SYNE2: variants seen among roughly 807,000 people sequenced by gnomAD.
SYNE2 encodes the protein spectrin repeat containing nuclear envelope protein 2, also known as nesprin-2.
In SYNE2, 431 loss-of-function variants were observed where a neutral mutation model predicts 856.3. The ratio of observed to expected loss-of-function variants is 0.50; its 90% CI spans 0.47 to 0.55. The LOEUF (loss-of-function observed/expected upper bound fraction) is 0.55. SYNE2 is among the 20% of genes least tolerant of loss of function. The pLI is 0.00. For missense variants in SYNE2, 8,129 were observed against 8,023.2 expected (o/e 1.01, Z -0.50); for synonymous variants, 2,923 against 2,872.3 (o/e 1.02, Z -0.56).
At chr14:63,920,350 G>A (rs1453826828) in intron 2 of SYNE2, among the ~76,000 whole-genome samples, 1 of 151,812 alleles carries the variant, frequency 6.6e-6, no homozygotes, top group Non-Finnish European at 1.5e-5. Context: ...AAAGATGGTA[G>A]CACATGAGCA....
At chr14:64,162,387 C>A in intron 88 of SYNE2, 111 bp downstream of exon 88, 1 of 1,174,340 alleles carries the variant, frequency 8.5e-7, no homozygotes, top group Non-Finnish European at 1.2e-6. Context: ...GTAGTCAGGA[C>A]AGGTGCTGTG....
At chr14:63,799,268 G>A (rs1356854251) in intron 1 of SYNE2, among the ~76,000 whole-genome samples, 5 of 152,046 alleles carry the variant, frequency 3.3e-5, no homozygotes, top group African/African-American at 9.7e-5. Context: ...TAGTAGAGAC[G>A]GGGTTTTGCC....
chr14:64,128,609 T>C, intron 74 of SYNE2, 56 bp downstream of exon 74: 1 of 1,071,818 alleles, frequency 9.3e-7, no homozygotes, highest in Non-Finnish European at 1.5e-6. Flanking sequence ...GAGCTTTGCA[T>C]ATAAGCCGTG....
intron 27 of SYNE2, 147 bp downstream of exon 27, chr14:63,999,187 A>G (rs1594768805): frequency 2.4e-6 from 2 of 826,368 alleles, no homozygotes; most frequent in African/African-American, 3.4e-5. Context: ...TTCTAGTGTC[A>G]CCCTAGTCCA....
chr14:64,169,859 C>T (rs1317489542), intron 93 of SYNE2, among the ~76,000 whole-genome samples: 1 of 152,210 alleles, frequency 6.6e-6, no homozygotes, highest in East Asian at 1.9e-4. Flanking sequence ...AAAGTACACT[C>T]AAGTAATCCA....
intron 45 of SYNE2, 108 bp from the exon 46 acceptor site, chr14:64,047,892 C>G: frequency 8.1e-7 from 1 of 1,231,464 alleles, no homozygotes. Context: ...CTTTTTAAGT[C>G]TATAATCCAA....
chr14:64,142,198 A>C, intron 82 of SYNE2, 110 bp downstream of exon 82: 2 of 1,301,278 alleles, frequency 1.5e-6, no homozygotes, highest in Non-Finnish European at 2.2e-6. Flanking sequence ...AACTAATTCT[A>C]GGGGTAGGAA....
chr14:64,069,248 C>A (rs2097383324), intron 51 of SYNE2, among the ~76,000 whole-genome samples: 1 of 151,778 alleles, frequency 6.6e-6, no homozygotes, highest in Non-Finnish European at 1.5e-5. Flanking sequence ...GTAACAATTT[C>A]TTTATTTGCA....
chr14:64,019,919 A>G (rs1412385783), intron 34 of SYNE2, 73 bp from the exon 35 acceptor site: 2 of 971,936 alleles, frequency 2.1e-6, no homozygotes, highest in Non-Finnish European at 1.7e-6. Flanking sequence ...ATATATAAAC[A>G]GTAGTAATTA....
intron 19 of SYNE2, among the ~76,000 whole-genome samples, chr14:63,989,503 A>T (rs1477460843): frequency 1.3e-5 from 2 of 151,966 alleles, no homozygotes; most frequent in African/African-American, 4.8e-5. Flanking sequence ...ACACCTGGCT[A>T]ATTTTTGTAT....
At chr14:63,906,454 G>T (rs1325580089) in intron 1 of SYNE2, among the ~76,000 whole-genome samples, 1 of 151,762 alleles carries the variant, frequency 6.6e-6, no homozygotes, top group African/African-American at 2.4e-5. Context: ...TTGGTTGGTA[G>T]GTTTTAAAAA....
intron 65 of SYNE2, among the ~76,000 whole-genome samples, chr14:64,107,835 A>G (rs1368542636): frequency 6.6e-6 from 1 of 152,228 alleles, no homozygotes; most frequent in East Asian, 1.9e-4. Flanking sequence ...TCACTCATTT[A>G]CCATTTGTCA....
At position 64,224,181 on chromosome 14, in the gene SYNE2, C is replaced by CAAAA. The variant is rs35804232; in HGVS notation, c.20383-262_20383-259dup. Among the ~76,000 whole-genome samples the CAAAA allele has an allele frequency of 1.2e-3, 93 of 74,738 alleles. 4 individuals carry two copies. Among genetic ancestry groups the CAAAA allele is most frequent in the African/African-American group, 4.8e-3 (87 of 18,196 alleles). The allele number at this position is 74,738 out of a possible 152,430, so 49.0% of individuals were successfully genotyped here. A position where few individuals can be genotyped will look rare whatever the true frequency, so the allele number is the denominator to read the frequency against. On this transcript the variant is annotated intron_variant, in intron 113 of 115. Coordinates refer to ENST00000555002, the MANE Select transcript of SYNE2 (RefSeq NM_182914.3). ...GCAACATGGTGAAATCCCGTCTCTG[C>CAAAA]AAAAAAAAAAAAAAAAAAAAATACA...
At chr14:64,161,390 T>C (rs2098328579) in intron 87 of SYNE2, among the ~76,000 whole-genome samples, 1 of 152,048 alleles carries the variant, frequency 6.6e-6, no homozygotes, top group Non-Finnish European at 1.5e-5. Context: ...CTAGAGTCTG[T>C]ATATGGAATA....
intron 96 of SYNE2, among the ~76,000 whole-genome samples, chr14:64,182,158 C>G (rs1018393308): frequency 2.6e-5 from 4 of 152,254 alleles, no homozygotes; most frequent in Admixed American, 6.5e-5. Flanking sequence ...AGATGCTGTC[C>G]TGATACTGCA....
intron 32 of SYNE2, among the ~76,000 whole-genome samples, chr14:64,014,929 TTATATA>T (rs372523173): frequency 0.011 from 853 of 78,636 alleles, 7 homozygotes; most frequent in East Asian, 0.017. Flanking sequence ...GTATAATTCC[TTATATA>T]TATATATATA....
At chr14:63,778,493 TTTA>T (rs769323179) in intron 1 of SYNE2, among the ~76,000 whole-genome samples, 10 of 152,204 alleles carry the variant, frequency 6.6e-5, no homozygotes, top group Non-Finnish European at 1.3e-4. Context: ...AACTTTTAAT[TTTA>T]TTATTTTATT....
At chr14:63,951,660 A>G (rs1203092664) in intron 7 of SYNE2, among the ~76,000 whole-genome samples, 1 of 152,218 alleles carries the variant, frequency 6.6e-6, no homozygotes, top group Non-Finnish European at 1.5e-5. Context: ...AGCCATAAAC[A>G]TACATAACCT....
rs755577342 is a variant in SYNE2 at position 63,963,912 on chromosome 14, A to G, written c.902A>G (p.Asp301Gly). The part of the protein sequence containing the change: ...TGEEAQGKVK[D>G]AMGWLTLQKE... ...TGTAAAATACAGGGAAAGGTGAAAG[A>G]TGCTATGGGCTGGTTAACTCTGCAA... Residue 301 changes from aspartate to glycine, a missense_variant, in exon 10 of 116, where the codon GAT (aspartate) becomes GGT (glycine). Around this residue, in one of 3 missense-constraint regions of SYNE2, gnomAD observed 2,422 missense variants for 2,357.4 expected, o/e 1.03. Coordinates refer to ENST00000555002, the MANE Select transcript of SYNE2 (RefSeq NM_182914.3). 6.8e-6 allele frequency: 11 copies of G among 1,612,274 alleles called. No homozygotes were observed. The South Asian group carries it at 1.2e-4, about 18-fold the overall frequency.
Sources: gnomAD v4.1 joint callset for allele counts (sites outside exome capture counted in the v4.1 genomes callset) on GRCh38, gnomAD v4.1.1 for gene constraint, gnomAD v4.1.1 regional missense constraint, MANE v1.5 for transcripts, NCBI Gene and HGNC (gene_info 2026-07-23, HGNC 2026-07-21) for gene names.